FAT1: variants seen among roughly 807,000 people sequenced by gnomAD.
FAT1 encodes the protein FAT atypical cadherin 1.
In FAT1, 171 loss-of-function variants were observed where a neutral mutation model predicts 329.8. The observed-to-expected ratio is 0.52, with a 90% CI of 0.46 to 0.59. FAT1 has a LOEUF of 0.59. Ranked by LOEUF, FAT1 falls within the 20% of genes least tolerant of loss-of-function variation. The pLI, the probability that FAT1 is intolerant of heterozygous loss-of-function variation, is 0.00. For synonymous variants in FAT1, 2,233 were observed against 2,228.6 expected, an observed-to-expected ratio of 1.00 and a Z score of -0.06; for missense variants, 5,672 against 5,774.4, an observed-to-expected ratio of 0.98 and a Z score of 0.57.
At position 186,709,256 on chromosome 4, in the gene FAT1, C is replaced by T. The variant is rs758938184; in HGVS notation, c.572G>A (p.Arg191Gln). 6.8e-6 allele frequency: 11 copies of T among 1,613,836 alleles called. No homozygotes were observed. The highest frequency in any genetic ancestry group is 8.5e-6 in the Non-Finnish European group (10 of 1,179,904). ...NGEFYYSFKD[R>Q]TDMFAIHPTS... is the part of the protein sequence containing the mutation. ...TGGGTGAATAGCAAACATATCTGTT[C>T]GATCTTTAAAACTGTAGTAAAATTC... The change falls in exon 2 of 27, where the codon CGA (arginine) becomes CAA (glutamine). Residue 191 changes from arginine to glutamine, a missense_variant. Transcript: ENST00000441802.
chr4:186,644,401 G>T (rs538538667), intron 3 of FAT1, among the ~76,000 whole-genome samples: 1 of 152,218 alleles, frequency 6.6e-6, no homozygotes, highest in South Asian at 2.1e-4. Flanking sequence ...AAAATAGAAA[G>T]GAAGAAAAAC....
intron 22 of FAT1, among the ~76,000 whole-genome samples, chr4:186,599,423 A>G (rs781669173): frequency 6.6e-6 from 1 of 152,222 alleles, no homozygotes; most frequent in Non-Finnish European, 1.5e-5. Context: ...CAGGGCTTCA[A>G]GACAGACAGA....
At chr4:186,651,568 G>A (rs1322264299) in intron 3 of FAT1, among the ~76,000 whole-genome samples, 1 of 152,142 alleles carries the variant, frequency 6.6e-6, no homozygotes, top group African/African-American at 2.4e-5. Flanking sequence ...GAATGAAGGT[G>A]GTCCTGGCCC....
rs142925096 is a variant in FAT1, at chr4:186,701,999, C to T, written c.3265+4564G>A. ...ACAGGGATGAGGCCAGGAGCCGACC[C>T]CCACACAGGTGACACAGACATGAGG... On this transcript the variant is annotated intron_variant, in intron 2 of 26. Coordinates refer to ENST00000441802, the MANE Select transcript of FAT1 (RefSeq NM_005245.4). Among the ~76,000 whole-genome samples the T allele has an allele frequency of 3.6e-3, 364 of 100,298 alleles. 6 individuals are homozygous for T. Among genetic ancestry groups the T allele is most frequent in the African/African-American group, 0.018 (350 of 19,578 alleles). The allele number at this position is 100,298 out of a possible 152,430, so 65.8% of individuals were successfully genotyped here.
At chr4:186,719,301 T>TA (rs1429748430) in intron 1 of FAT1, among the ~76,000 whole-genome samples, 1 of 152,204 alleles carries the variant, frequency 6.6e-6, no homozygotes, top group African/African-American at 2.4e-5. Context: ...TGGCCTTCAC[T>TA]ATATAAGAGT....
intron 1 of FAT1, among the ~76,000 whole-genome samples, chr4:186,714,219 G>GCA (rs1222617672): frequency 6.6e-6 from 1 of 152,052 alleles, no homozygotes; most frequent in Non-Finnish European, 1.5e-5. Flanking sequence ...GTGGGCTGGG[G>GCA]CACAACGGGG....
In FAT1 at chr4:186,633,819, G is replaced by A. The variant is rs750693931; in HGVS notation, c.4188C>T (p.Gly1396=). The A allele has an allele frequency of 2.5e-6, 4 of 1,613,918 alleles. No individual in the cohort carries two copies. The South Asian group carries it at 4.4e-5, about 18-fold the overall frequency. The change falls in exon 7 of 27, where the codon GGC becomes GGT. Residue 1396 remains glycine (G), a synonymous_variant. Transcript: ENST00000441802. Reference sequence around the variant, plus strand: ...CCACATCGAAGTGACTGTCGTAGTTGCCACCTAATTTGGGGAAAAAAAAGT... The same window carrying A: ...CCACATCGAAGTGACTGTCGTAGTTACCACCTAATTTGGGGAAAAAAAAGT... ...GIPLWFDITG[G]NYDSHFDVDK... is the part of the protein sequence containing the mutation.
chr4:186,693,274 C>T (rs916585294), intron 2 of FAT1, among the ~76,000 whole-genome samples: 3 of 152,146 alleles, frequency 2.0e-5, no homozygotes, highest in South Asian at 2.1e-4. Flanking sequence ...CAAAGGGAAA[C>T]GCAATCGGGT....
chr4:186,610,074 T>C (rs1337091753), intron 14 of FAT1, 59 bp from the exon 15 acceptor site: 20 of 1,033,058 alleles, frequency 1.9e-5, no homozygotes, highest in South Asian at 4.1e-5. Flanking sequence ...TTTCCCACTA[T>C]GACTGAAATA....
chr4:186,647,962 T>C (rs1035621512), intron 3 of FAT1, among the ~76,000 whole-genome samples: 5 of 152,158 alleles, frequency 3.3e-5, no homozygotes, highest in African/African-American at 4.8e-5. Context: ...ACACCTGTAA[T>C]ACACTCATGG....
Position 186,601,303 on chromosome 4 carries a change from A to G in FAT1, c.11606T>C (p.Met3869Thr), listed in dbSNP as rs368825230. The change falls in exon 21 of 27, where the codon ATG (methionine) becomes ACG (threonine). Residue 3869 changes from methionine (M) to threonine (T), a missense_variant. This residue lies in a region of FAT1 where 1,706 missense variants were observed against 1,859.1 expected (regional missense o/e 0.92). Coordinates refer to ENST00000441802, the MANE Select transcript of FAT1 (RefSeq NM_005245.4). The stretch of plus-strand genomic sequence containing the variant: ...GCTATAGTCAGTTCCTCGAGCATAC[A>G]TGACAACCGCATGCGTGGAATATGT... ...LRTYSTHAVVMYARGTDYSIL... is the reference protein window; with the variant it reads ...LRTYSTHAVVTYARGTDYSIL... 1.9e-6 allele frequency: 3 copies of G among 1,610,448 alleles called. No individual in the cohort carries two copies. Among genetic ancestry groups the G allele is most frequent in the Non-Finnish European group, 2.5e-6 (3 of 1,177,034 alleles).
At chr4:186,635,337 A>C (rs1740776342) in intron 6 of FAT1, among the ~76,000 whole-genome samples, 10 of 152,222 alleles carry the variant, frequency 6.6e-5, no homozygotes, top group Admixed American at 5.9e-4. Flanking sequence ...TGCAAACTCT[A>C]ATGTGAAATT....
chr4:186,589,694 T>C (rs984918513), intron 26 of FAT1, among the ~76,000 whole-genome samples: 1 of 152,032 alleles, frequency 6.6e-6, no homozygotes, highest in African/African-American at 2.4e-5. Flanking sequence ...CTTAAAAAAA[T>C]TTTGCATTTC....
intron 12 of FAT1, among the ~76,000 whole-genome samples, chr4:186,613,942 T>A (rs1739583366): frequency 6.6e-6 from 1 of 152,210 alleles, no homozygotes; most frequent in Non-Finnish European, 1.5e-5. Flanking sequence ...ACAAGTGGTA[T>A]AAACGCCTTC....
intron 2 of FAT1, among the ~76,000 whole-genome samples, chr4:186,689,523 A>C (rs188194171): frequency 6.6e-6 from 1 of 152,240 alleles, no homozygotes; most frequent in African/African-American, 2.4e-5. Flanking sequence ...AGAGAGTCCA[A>C]GTCAAAAGAC....
rs1409118179 is a variant in FAT1 at position 186,613,252 on chromosome 4, C to T, written c.9320G>A (p.Cys3107Tyr). Residue 3107 changes from cysteine (C) to tyrosine (Y), a missense_variant, in exon 13 of 27, where the codon TGC becomes TAC. Physicochemically the swap from Cys to Tyr is radical, Grantham distance 194. This residue lies in a region of FAT1 where 3,966 missense variants were observed against 3,915.2 expected (regional missense o/e 1.01). Transcript: ENST00000441802. ...TAGCGTGAGCACAATACTGGCTTGG[C>T]AGAATCTTCCTCCTCCATCTGTGGC... ...VRATDGGGRF[C>Y]QASIVLTLED... The T allele has an allele frequency of 6.2e-7, 1 of 1,613,852 alleles. No homozygotes were observed. The highest frequency in any genetic ancestry group is 8.5e-7 in the Non-Finnish European group (1 of 1,179,864).
At chr4:186,690,658 C>A (rs1411650201) in intron 2 of FAT1, among the ~76,000 whole-genome samples, 5 of 152,020 alleles carry the variant, frequency 3.3e-5, no homozygotes, top group Non-Finnish European at 5.9e-5. Context: ...CTACTGCACT[C>A]CAGCCTGGGC....
At position 186,708,838 on chromosome 4, in the gene FAT1, G is replaced by A. The variant is rs368493526; in HGVS notation, c.990C>T (p.Phe330=). ...IGGIDWDSHP[F]GYNLTLQAKD... is the part of the protein sequence containing the mutation. ...TAGCCTGTAGTGTGAGATTGTAGCC[G>A]AAAGGATGACTGTCCCAATCAATGC... The change falls in exon 2 of 27, where the codon TTC becomes TTT. Residue 330 remains phenylalanine, a synonymous_variant. Transcript: ENST00000441802. 213 of 1,613,930 alleles carry A rather than the reference G, an allele frequency of 1.3e-4. 1 individual carries two copies. The African/African-American group carries it at 2.0e-3, about 15-fold the overall frequency.
intron 2 of FAT1, among the ~76,000 whole-genome samples, chr4:186,666,109 A>T (rs967059307): frequency 5.3e-5 from 8 of 151,814 alleles, no homozygotes; most frequent in Non-Finnish European, 1.0e-4. Flanking sequence ...TGGGTAAAGC[A>T]CACCAACATG....
Sources: allele counts gnomAD v4.1 joint callset (sites outside exome capture counted in the v4.1 genomes callset), GRCh38; gene constraint gnomAD v4.1.1; regional missense constraint gnomAD v4.1.1; transcripts MANE v1.5; gene names NCBI Gene and HGNC (gene_info 2026-07-23, HGNC 2026-07-21).